SNX30: variants seen among roughly 807,000 people sequenced by gnomAD.
The protein encoded by SNX30 is sorting nexin-30.
In SNX30, 24 loss-of-function variants were observed where a neutral mutation model predicts 46.4. The observed-to-expected ratio is 0.52, with a 90% CI of 0.37 to 0.73. The LOEUF (loss-of-function observed/expected upper bound fraction) is 0.73. Among genes scored for constraint, SNX30 ranks in the 30% least tolerant of loss-of-function variants. The probability of loss-of-function intolerance (pLI) is 0.00; values close to 1 mark genes in which losing one functional copy is unlikely to be tolerated. For synonymous variants in SNX30, 189 were observed against 211.5 expected (o/e 0.89, Z 0.92); for missense variants, 533 against 555.7 (o/e 0.96, Z 0.41).
intron 5 of SNX30, among the ~76,000 whole-genome samples, chr9:112,837,514 C>T (rs542701806): frequency 7.9e-5 from 12 of 151,764 alleles, no homozygotes; most frequent in African/African-American, 1.7e-4. Flanking sequence ...CTTGCTCTGT[C>T]GCCCAGGCTG....
intron 1 of SNX30, among the ~76,000 whole-genome samples, chr9:112,782,432 A>G (rs1839860698): frequency 1.3e-5 from 2 of 152,202 alleles, no homozygotes; most frequent in South Asian, 2.1e-4. Context: ...CCTTTGCACT[A>G]CAACAGCTGA....
intron 6 of SNX30, among the ~76,000 whole-genome samples, chr9:112,842,747 G>T (rs17743824): frequency 0.068 from 10,356 of 152,292 alleles, 453 homozygotes; most frequent in Non-Finnish European, 0.099. Context: ...TTGTGGCTAG[G>T]TATGTTCTGT....
At chr9:112,810,877 G>C (rs566618146) in intron 2 of SNX30, among the ~76,000 whole-genome samples, 4 of 152,102 alleles carry the variant, frequency 2.6e-5, no homozygotes, top group Non-Finnish European at 4.4e-5. Flanking sequence ...TTCACAGGGC[G>C]GTTGGGGAGT....
At chr9:112,761,003 G>A (rs1260104298) in intron 1 of SNX30, among the ~76,000 whole-genome samples, 1 of 152,184 alleles carries the variant, frequency 6.6e-6, no homozygotes, top group African/African-American at 2.4e-5. Flanking sequence ...ATTGGGTCAT[G>A]CGTTGGGAGT....
At chr9:112,822,540 TG>T (rs200483137) in intron 3 of SNX30, among the ~76,000 whole-genome samples, 4,998 of 118,906 alleles carry the variant, frequency 0.042, 431 homozygotes, top group African/African-American at 0.12. Context: ...TGTTTTGTTT[TG>T]TTTTTTTTTT....
Position 112,751,822 on chromosome 9 carries a change from C to A in SNX30, c.156+665C>A, listed in dbSNP as rs186662257. Reference sequence around the variant, plus strand: ...TTGTGGTTGATGGAAAGAAAGCTCGCCCTTTGACCTTCTTTGTACGGAGGG... The same window carrying A: ...TTGTGGTTGATGGAAAGAAAGCTCGACCTTTGACCTTCTTTGTACGGAGGG... On this transcript the variant is annotated intron_variant, in intron 1 of 8. Coordinates refer to ENST00000374232, the MANE Select transcript of SNX30 (RefSeq NM_001012994.2). 1.1e-4 allele frequency among the ~76,000 whole-genome samples: 16 copies of A among 152,232 alleles called. No homozygotes were observed. The East Asian group carries it at 3.1e-3, about 29-fold the overall frequency.
chr9:112,834,839 CACAA>C (rs1161520889), intron 4 of SNX30, among the ~76,000 whole-genome samples: 53 of 108,508 alleles, frequency 4.9e-4, no homozygotes, highest in African/African-American at 1.4e-3. Flanking sequence ...CACACACACA[CACAA>C]ACACACACAC....
intron 8 of SNX30, among the ~76,000 whole-genome samples, chr9:112,867,805 C>A (rs1841385794): frequency 6.7e-6 from 1 of 149,906 alleles, no homozygotes; most frequent in African/African-American, 2.5e-5. Flanking sequence ...TCTCCACTTC[C>A]CCAAAACTCC....
intron 1 of SNX30, among the ~76,000 whole-genome samples, chr9:112,755,016 A>G (rs549647335): frequency 5.3e-5 from 8 of 152,282 alleles, no homozygotes; most frequent in African/African-American, 1.9e-4. Context: ...TGCTCCTTTG[A>G]GGCTCCTGTC....
At chr9:112,776,096 G>A (rs960295867) in intron 1 of SNX30, among the ~76,000 whole-genome samples, 3 of 151,896 alleles carry the variant, frequency 2.0e-5, no homozygotes, top group African/African-American at 7.3e-5. Flanking sequence ...GGTATTTTAT[G>A]TTTTTTGTTT....
chr9:112,876,870 A>G (rs1210765926), downstream of SNX30, among the ~76,000 whole-genome samples: 4 of 149,074 alleles, frequency 2.7e-5, no homozygotes, highest in East Asian at 7.9e-4. Flanking sequence ...CTGGAGGTGG[A>G]GGTTGCAGTG....
downstream of SNX30, chr9:112,875,175 T>C (rs545844077): frequency 1.3e-5 from 2 of 152,320 alleles, no homozygotes; most frequent in Admixed American, 1.3e-4. Context: ...ATAGGCCCAG[T>C]TTACCCTCAA....
chr9:112,866,437 A>C, intron 8 of SNX30: 1 of 470,750 alleles, frequency 2.1e-6, no homozygotes, highest in South Asian at 1.5e-5. Context: ...TTTGAGGACC[A>C]AATAGAAAAC....
chr9:112,751,043 CCACTCCCTGCGCGACATGCCG>C lies in SNX30; in HGVS notation c.46_66del (p.Ser16_His22del). 1 of 1,483,288 alleles carries C rather than the reference CCACTCCCTGCGCGACATGCCG, an allele frequency of 6.7e-7. No individual in the cohort carries two copies. Among genetic ancestry groups the C allele is most frequent in the Non-Finnish European group, 8.9e-7 (1 of 1,122,372 alleles). The allele number at this position is 1,483,288 out of a possible 1,614,324, so 91.9% of individuals were successfully genotyped here. Reference sequence around the variant, plus strand: ...CCAAGGCCCTGCCGTCCACGGGGCCCCACTCCCTGCGCGACATGCCGCACCCGCTGGCCGGCTCCAGCAGCG... The same window carrying C: ...CCAAGGCCCTGCCGTCCACGGGGCCCCACCCGCTGGCCGGCTCCAGCAGCG... On this transcript the variant is annotated inframe_deletion, in exon 1 of 9. Coordinates refer to ENST00000374232, the MANE Select transcript of SNX30 (RefSeq NM_001012994.2).
At chr9:112,822,248 G>C (rs1022673288) in intron 3 of SNX30, among the ~76,000 whole-genome samples, 1 of 152,122 alleles carries the variant, frequency 6.6e-6, no homozygotes, top group Non-Finnish European at 1.5e-5. Context: ...TGCCTTCTTG[G>C]AACCAGAAGT....
At chr9:112,817,104 C>T (rs1840408445) in intron 2 of SNX30, among the ~76,000 whole-genome samples, 1 of 152,052 alleles carries the variant, frequency 6.6e-6, no homozygotes, top group Non-Finnish European at 1.5e-5. Context: ...CAGAATGTGG[C>T]AAATTAAGCA....
At chr9:112,810,983 G>A (rs1840310338) in intron 2 of SNX30, among the ~76,000 whole-genome samples, 1 of 152,216 alleles carries the variant, frequency 6.6e-6, no homozygotes, top group African/African-American at 2.4e-5. Flanking sequence ...AGCTCACAGA[G>A]GGACCGATGG....
intron 7 of SNX30, among the ~76,000 whole-genome samples, chr9:112,854,272 C>G (rs895947306): frequency 6.6e-6 from 1 of 152,230 alleles, no homozygotes; most frequent in African/African-American, 2.4e-5. Flanking sequence ...CCTCAGACCC[C>G]CACAGCTGCC....
At chr9:112,829,766 GTTTGT>G (rs1840632916) in intron 3 of SNX30, among the ~76,000 whole-genome samples, 1 of 151,150 alleles carries the variant, frequency 6.6e-6, no homozygotes, top group Non-Finnish European at 1.5e-5. Flanking sequence ...GTTTTTTTTT[GTTTGT>G]TTTGTTTTTG....
Sources: allele counts gnomAD v4.1 joint callset (sites outside exome capture counted in the v4.1 genomes callset), GRCh38; gene constraint gnomAD v4.1.1; transcripts MANE v1.5; gene names NCBI Gene and HGNC (gene_info 2026-07-23, HGNC 2026-07-21).